Variants in CDC42BPA observed in about 807,000 individuals in gnomAD.
The protein encoded by CDC42BPA is serine/threonine-protein kinase MRCK alpha.
CDC42BPA carries 80 observed loss-of-function variants against 223.5 expected under a neutral mutation model. That is an observed-to-expected ratio of 0.36 (90% CI 0.30 to 0.43). CDC42BPA has a LOEUF of 0.43. Ranked by LOEUF, CDC42BPA falls within the 20% of genes least tolerant of loss-of-function variation. The probability of loss-of-function intolerance (pLI) is 1.00; values close to 1 mark genes in which losing one functional copy is unlikely to be tolerated. For synonymous variants in CDC42BPA, 694 were observed against 718.6 expected (o/e 0.97, Z 0.55); for missense variants, 1,743 against 2,099.9 (o/e 0.83, Z 3.32).
chr1:227,121,939 T>C (rs763268603), intron 11 of CDC42BPA, among the ~76,000 whole-genome samples: 20 of 151,934 alleles, frequency 1.3e-4, no homozygotes, highest in Admixed American at 1.1e-3. Flanking sequence ...CAGCTGGGAT[T>C]ACAGACACTC....
chr1:227,310,143 G>A (rs1448132012), intron 1 of CDC42BPA, among the ~76,000 whole-genome samples: 2 of 152,098 alleles, frequency 1.3e-5, no homozygotes, highest in African/African-American at 4.8e-5. Flanking sequence ...GTGAAACACT[G>A]GTTGCCAGCC....
chr1:227,069,745 C>G, intron 21 of CDC42BPA, 32 bp downstream of exon 21: 1 of 1,445,526 alleles, frequency 6.9e-7, no homozygotes, highest in Middle Eastern at 1.8e-4. Context: ...TTAAATTGAC[C>G]CCAGAGGATA....
chr1:227,128,021 C>A (rs1051043365), intron 11 of CDC42BPA, among the ~76,000 whole-genome samples: 1 of 152,148 alleles, frequency 6.6e-6, no homozygotes, highest in African/African-American at 2.4e-5. Context: ...ACTGCCATTT[C>A]ATTCTGAGTA....
rs149726943 is a variant in CDC42BPA at position 227,318,153 on chromosome 1, C to CGGGGG, written c.-976_-972dup. On this transcript the variant is annotated 5_prime_UTR_variant, in exon 1 of 37. Coordinates refer to ENST00000366766, the MANE Select transcript of CDC42BPA (RefSeq NM_001394014.1). ...CGCCGGAGGCTCCCGACGCCCCAGGCGGGGGGGTGCTTCTCTGAATTCAAA... is the reference window on the plus strand; with the variant it reads ...CGCCGGAGGCTCCCGACGCCCCAGGCGGGGGGGGGGGGTGCTTCTCTGAATTCAAA... The CGGGGG allele has an allele frequency of 0.015, 2,457 of 165,994 alleles. 95 individuals carry two copies. The highest frequency in any genetic ancestry group is 0.058 in the African/African-American group (2,321 of 39,842). 10.3% of individuals were successfully genotyped at this position (165,994 alleles called of 1,614,324 possible).
chr1:227,014,179 G>GA (rs998952355), intron 34 of CDC42BPA, among the ~76,000 whole-genome samples: 61 of 149,294 alleles, frequency 4.1e-4, no homozygotes, highest in South Asian at 1.7e-3. Flanking sequence ...GAAAAAGGTT[G>GA]AAAAAAAAAT....
chr1:227,237,900 G>A (rs58594824), intron 2 of CDC42BPA, among the ~76,000 whole-genome samples: 8,532 of 151,884 alleles, frequency 0.056, 787 homozygotes, highest in African/African-American at 0.19. Flanking sequence ...TTAGCCAGGC[G>A]TGGTGGTGCA....
At chr1:227,017,584 C>T (rs556501026) in intron 32 of CDC42BPA, among the ~76,000 whole-genome samples, 4 of 152,272 alleles carry the variant, frequency 2.6e-5, no homozygotes, top group Admixed American at 1.3e-4. Context: ...AGGAGCTGTG[C>T]TTCCACTACC....
intron 1 of CDC42BPA, among the ~76,000 whole-genome samples, chr1:227,303,254 A>G (rs1030803611): frequency 6.6e-6 from 1 of 152,176 alleles, no homozygotes; most frequent in African/African-American, 2.4e-5. Context: ...GAAGCCTCTG[A>G]TATCTGCATC....
intron 23 of CDC42BPA, among the ~76,000 whole-genome samples, chr1:227,042,424 T>C (rs1430427861): frequency 6.6e-6 from 1 of 152,024 alleles, no homozygotes; most frequent in African/African-American, 2.4e-5. Context: ...TAATTTTAGG[T>C]AATAAATCAT....
chr1:227,208,529 T>C (rs1353912705), intron 3 of CDC42BPA, among the ~76,000 whole-genome samples: 2 of 149,390 alleles, frequency 1.3e-5, no homozygotes, highest in Non-Finnish European at 3.0e-5. Flanking sequence ...AATTGATTTT[T>C]GTATAAGGTG....
intron 4 of CDC42BPA, among the ~76,000 whole-genome samples, chr1:227,198,886 T>A (rs969198261): frequency 6.6e-6 from 1 of 152,072 alleles, no homozygotes; most frequent in Non-Finnish European, 1.5e-5. Context: ...TAGCTGGGAC[T>A]ACAGGTGCCC....
At chr1:227,091,795 G>A in intron 16 of CDC42BPA, 91 bp downstream of exon 16, 4 of 619,034 alleles carry the variant, frequency 6.5e-6, no homozygotes, top group Non-Finnish European at 8.2e-6. Flanking sequence ...AAACAAAAAT[G>A]TATGTCAAAT....
rs72632822 is a variant in CDC42BPA, at chr1:227,317,942, G to A, written c.-760C>T. ...TCATTTTCCTCCCGGCTTCACCCTA[G>A]GGCCTGACCGGCGGCGCGGCCGGGG... On this transcript the variant is annotated 5_prime_UTR_variant, in exon 1 of 37. Transcript: ENST00000366766. 66,702 of 397,814 alleles carry A rather than the reference G, an allele frequency of 0.17. 6,647 individuals are homozygous for A. Among genetic ancestry groups the A allele is most frequent in the East Asian group, 0.38 (10,617 of 27,998 alleles). The allele number at this position is 397,814 out of a possible 1,614,324, so 24.6% of individuals were successfully genotyped here.
At chr1:227,155,885 A>T (rs1210148691) in intron 6 of CDC42BPA, among the ~76,000 whole-genome samples, 1 of 152,198 alleles carries the variant, frequency 6.6e-6, no homozygotes, top group African/African-American at 2.4e-5. Flanking sequence ...AGAGCAGAGC[A>T]AAAGACCTGA....
At chr1:227,102,697 T>C (rs1168482298) in intron 14 of CDC42BPA, among the ~76,000 whole-genome samples, 1 of 152,154 alleles carries the variant, frequency 6.6e-6, no homozygotes, top group Non-Finnish European at 1.5e-5. Context: ...ACACAAATGA[T>C]ATTATTAAAC....
At chr1:227,112,256 C>T in intron 14 of CDC42BPA, 56 bp downstream of exon 14, 2 of 1,040,826 alleles carry the variant, frequency 1.9e-6, no homozygotes, top group Admixed American at 2.2e-5. Flanking sequence ...ACACTCCTAA[C>T]AAGCCTAAAG....
intron 1 of CDC42BPA, among the ~76,000 whole-genome samples, chr1:227,300,104 T>C (rs1170412576): frequency 6.6e-6 from 1 of 152,140 alleles, no homozygotes; most frequent in Non-Finnish European, 1.5e-5. Flanking sequence ...AAGTTGAAAT[T>C]CATTACAAGA....
intron 2 of CDC42BPA, among the ~76,000 whole-genome samples, chr1:227,228,482 T>A (rs1677242028): frequency 6.6e-6 from 1 of 152,248 alleles, no homozygotes; most frequent in Non-Finnish European, 1.5e-5. Context: ...AAGGGTGCTA[T>A]GAACATTCAT....
intron 12 of CDC42BPA, among the ~76,000 whole-genome samples, chr1:227,113,920 A>T (rs942557838): frequency 6.7e-6 from 1 of 150,158 alleles, no homozygotes; most frequent in African/African-American, 2.4e-5. Context: ...GTAGCTACTA[A>T]GGTGGGAAGA....
Sources: gnomAD v4.1 joint callset for allele counts (sites outside exome capture counted in the v4.1 genomes callset) on GRCh38, gnomAD v4.1.1 for gene constraint, MANE v1.5 for transcripts, NCBI Gene and HGNC (gene_info 2026-07-23, HGNC 2026-07-21) for gene names.